Variants in SUV39H1 observed in about 807,000 individuals in gnomAD.
SUV39H1 encodes SUV39H1 histone lysine methyltransferase.
For synonymous variants in SUV39H1, 141 were observed against 150.5 expected (o/e 0.94, Z 0.46); for missense variants, 180 against 386.3 (o/e 0.47, Z 4.48).
At position 48,702,310 on chromosome X, in the gene SUV39H1, C is replaced by G. The variant is rs782242604; in HGVS notation, c.828+1557C>G. Reference sequence around the variant, plus strand: ...AGGAAGAGCTTGTGCTCTCCACACTCTAGAGGACCTGGTGGTCTGACTTAG... The same window carrying G: ...AGGAAGAGCTTGTGCTCTCCACACTGTAGAGGACCTGGTGGTCTGACTTAG... On this transcript the variant is annotated intron_variant, in intron 3 of 5. Coordinates refer to ENST00000376687, the MANE Select transcript of SUV39H1 (RefSeq NM_003173.4). Among the ~76,000 whole-genome samples the G allele has an allele frequency of 5.4e-5, 6 of 112,110 alleles. No homozygotes were observed. In the South Asian group the frequency reaches 2.2e-3, roughly 41 times the overall value.
Position 48,706,603 on chromosome X carries a change from C to T in SUV39H1, c.1081C>T (p.Leu361Phe). 1 of 1,209,134 alleles carries T rather than the reference C, an allele frequency of 8.3e-7. No homozygotes were observed. The highest frequency in any genetic ancestry group is 1.1e-6 in the Non-Finnish European group (1 of 893,973). Residue 361 changes from leucine to phenylalanine, a missense_variant, in exon 5 of 6, where the codon CTC becomes TTC. Leu to Phe is a conservative substitution (Grantham distance 22). Transcript: ENST00000376687. ...ATRTIRAGEELTFDYNMQVDP... is the reference protein window; with the variant it reads ...ATRTIRAGEEFTFDYNMQVDP... ...AAGAACCATCCGGGCAGGCGAGGAG[C>T]TCACCTTTGATTACAACATGCAAGG... is the stretch of plus-strand genomic sequence containing the variant.
chrX:48,703,811 CCT>C (rs1315936483), intron 3 of SUV39H1, among the ~76,000 whole-genome samples: 2 of 111,012 alleles, frequency 1.8e-5, no homozygotes, highest in African/African-American at 6.6e-5. Context: ...TACAACAGCC[CCT>C]GTCAGGTTGG....
At chrX:48,696,539 G>A (rs982614323), upstream of SUV39H1, 5 of 311,681 alleles carry the variant, frequency 1.6e-5, no homozygotes, top group African/African-American at 2.9e-5. Context: ...GGCAACTTTA[G>A]CTACCGCCGC....
At chrX:48,696,545 G>A, upstream of SUV39H1, 3 of 317,752 alleles carry the variant, frequency 9.4e-6, no homozygotes, top group Non-Finnish European at 1.6e-5. Flanking sequence ...TTTAGCTACC[G>A]CCGCTGTCGC....
At chrX:48,696,318 G>C (rs1480538705), upstream of SUV39H1, among the ~76,000 whole-genome samples, 1 of 112,395 alleles carries the variant, frequency 8.9e-6, no homozygotes, top group Non-Finnish European at 1.9e-5. Context: ...CCGGGAGTCT[G>C]ACTAGGCACC....
Position 48,700,072 on chromosome X carries a change from C to T in SUV39H1, c.166-19C>T. 8.7e-7 allele frequency: 1 copy of T among 1,144,456 alleles called. No homozygotes were observed. The highest frequency in any genetic ancestry group is 1.8e-5 in the African/African-American group (1 of 56,231). The allele number at this position is 1,144,456 out of a possible 1,213,427, so 94.3% of individuals were successfully genotyped here. On this transcript the variant is annotated intron_variant, in intron 2 of 5. Coordinates refer to ENST00000376687, the MANE Select transcript of SUV39H1 (RefSeq NM_003173.4). Reference sequence around the variant, plus strand: ...CTCACTACTTACGGTACCCCCGTCCCCCTACCCACCCCCAACAGGAACAGG... The same window carrying T: ...CTCACTACTTACGGTACCCCCGTCCTCCTACCCACCCCCAACAGGAACAGG...
chrX:48,696,913 G>A (rs781998008), intron 1 of SUV39H1, 110 bp downstream of exon 1: 662 of 567,312 alleles, frequency 1.2e-3, no homozygotes, highest in Non-Finnish European at 1.5e-3. Context: ...GCCGGGAGCC[G>A]GAAGCTCGGC....
Position 48,699,041 on chromosome X carries a change from G to C in SUV39H1, c.159G>C (p.Lys53Asn). The change falls in exon 2 of 6, where the codon AAG becomes AAC. Residue 53 changes from lysine (K) to asparagine (N), a missense_variant. By Grantham distance (94) the Lys-to-Asn change is moderately conservative. Coordinates refer to ENST00000376687, the MANE Select transcript of SUV39H1 (RefSeq NM_003173.4). ...TCGAGTACCTGTGCGATTACAAGAA[G>C]ATCCGCGTGAGTCTGGGGTGACCAT... is the stretch of plus-strand genomic sequence containing the variant. ...FEVEYLCDYKKIREQEYYLVK... is the reference protein window; with the variant it reads ...FEVEYLCDYKNIREQEYYLVK... 8.3e-7 allele frequency: 1 copy of C among 1,208,063 alleles called. No homozygotes were observed. The highest frequency in any genetic ancestry group is 1.1e-6 in the Non-Finnish European group (1 of 893,579).
upstream of SUV39H1, chrX:48,696,713 C>T (rs2062456698): frequency 2.7e-6 from 3 of 1,115,288 alleles, no homozygotes; most frequent in South Asian, 6.1e-5. Flanking sequence ...GCTGCGCGTT[C>T]CCGGCCACGC....
At chrX:48,707,307 G>C (rs868912190) in intron 5 of SUV39H1, 130 bp from the exon 6 acceptor site, 3 of 639,848 alleles carry the variant, frequency 4.7e-6, no homozygotes, top group South Asian at 2.7e-5. Context: ...ATGGTATAAA[G>C]GGTAGTGGGA....
rs1162637442 is a variant in SUV39H1, at chrX:48,707,758, C to G, written c.*188C>G. On this transcript the variant is annotated 3_prime_UTR_variant, in exon 6 of 6. Coordinates refer to ENST00000376687, the MANE Select transcript of SUV39H1 (RefSeq NM_003173.4). ...GACCGACTCCAGGAGTCCCCTTTCC[C>G]TGTCCCAGCCCCATCTGTGGGTTGC... 2 of 530,396 alleles carry G rather than the reference C, an allele frequency of 3.8e-6. No individual in the cohort carries two copies. Among genetic ancestry groups the G allele is most frequent in the East Asian group, 3.7e-5 (1 of 26,988 alleles). 43.7% of individuals were successfully genotyped at this position (530,396 alleles called of 1,213,427 possible). A position where few individuals can be genotyped will look rare whatever the true frequency, so the allele number is the denominator to read the frequency against.
Position 48,697,098 on chromosome X carries a change from G to T in SUV39H1, c.19+295G>T, listed in dbSNP as rs781817629. On this transcript the variant is annotated intron_variant, in intron 1 of 5. Coordinates refer to ENST00000376687, the MANE Select transcript of SUV39H1 (RefSeq NM_003173.4). ...GCGCGCGCACGCGCGGGGGCTTGTCGAGGAGGCCGCGCCCGCGCGCGGGAA... is the reference window on the plus strand; with the variant it reads ...GCGCGCGCACGCGCGGGGGCTTGTCTAGGAGGCCGCGCCCGCGCGCGGGAA... 2.3e-4 allele frequency among the ~76,000 whole-genome samples: 25 copies of T among 109,723 alleles called. No homozygotes were observed. The South Asian group carries it at 5.4e-3, about 24-fold the overall frequency.
chrX:48,707,117 C>A (rs73489870), intron 5 of SUV39H1, among the ~76,000 whole-genome samples: 1,840 of 109,145 alleles, frequency 0.017, 50 homozygotes, highest in African/African-American at 0.057. Context: ...CTGCCCCCCC[C>A]CACACACCTA....
At chrX:48,704,040 G>A (rs2062483088) in intron 3 of SUV39H1, among the ~76,000 whole-genome samples, 2 of 108,245 alleles carry the variant, frequency 1.8e-5, no homozygotes, top group Admixed American at 2.0e-4. Context: ...ATATCCAGGA[G>A]GGGGCAGAGC....
At chrX:48,696,892 G>A (rs782430504) in intron 1 of SUV39H1, 89 bp downstream of exon 1, 7 of 731,007 alleles carry the variant, frequency 9.6e-6, no homozygotes, top group Admixed American at 6.5e-5. Context: ...CCCGGCGTCC[G>A]AGGCCCCGGC....
At chrX:48,702,500 G>A (rs1368410281) in intron 3 of SUV39H1, among the ~76,000 whole-genome samples, 2 of 111,072 alleles carry the variant, frequency 1.8e-5, no homozygotes, top group African/African-American at 6.6e-5. Context: ...GTGTCCAGAG[G>A]TTGAAGGAAC....
At chrX:48,700,932 C>T (rs1557009386) in intron 3 of SUV39H1, 179 bp downstream of exon 3, 2 of 555,003 alleles carry the variant, frequency 3.6e-6, no homozygotes, top group Non-Finnish European at 6.1e-6. Flanking sequence ...AGCTGGTACA[C>T]ACCAGCATGG....
chrX:48,698,838 C>T, intron 1 of SUV39H1, 64 bp from the exon 2 acceptor site: 1 of 1,150,071 alleles, frequency 8.7e-7, no homozygotes, highest in South Asian at 2.0e-5. Flanking sequence ...GATTTGGGGT[C>T]CCCTTTGACT....
chrX:48,700,071 C>G lies in SUV39H1; in HGVS notation c.166-20C>G. ...TCTCACTACTTACGGTACCCCCGTC[C>G]CCCTACCCACCCCCAACAGGAACAG... On this transcript the variant is annotated intron_variant, in intron 2 of 5. Coordinates refer to ENST00000376687, the MANE Select transcript of SUV39H1 (RefSeq NM_003173.4). 1 of 1,135,730 alleles carries G rather than the reference C, an allele frequency of 8.8e-7. No individual in the cohort carries two copies. Among genetic ancestry groups the G allele is most frequent in the Non-Finnish European group, 1.2e-6 (1 of 846,038 alleles). The allele number at this position is 1,135,730 out of a possible 1,213,427, so 93.6% of individuals were successfully genotyped here.
Sources: gnomAD v4.1 joint callset for allele counts (sites outside exome capture counted in the v4.1 genomes callset) on GRCh38, gnomAD v4.1.1 for gene constraint, MANE v1.5 for transcripts, NCBI Gene and HGNC (gene_info 2026-07-23, HGNC 2026-07-21) for gene names.